The following BSN variants were observed in gnomAD, a reference collection of about 807,000 sequenced individuals.
BSN encodes the protein bassoon presynaptic cytomatrix protein, also known as protein bassoon.
Under a neutral mutation model 264.8 loss-of-function variants are expected in BSN, and 57 were observed. The ratio of observed to expected loss-of-function variants is 0.22; its 90% CI spans 0.17 to 0.27. The LOEUF is 0.27. BSN is among the 10% of genes least tolerant of loss of function. The probability of loss-of-function intolerance (pLI) is 1.00; values close to 1 mark genes in which losing one functional copy is unlikely to be tolerated. For synonymous variants in BSN, 2,059 were observed against 2,137.3 expected (o/e 0.96, Z 1.01); for missense variants, 4,615 against 5,232.5 (o/e 0.88, Z 3.64).
At chr3:49,578,331 C>G (rs1366946108) in intron 1 of BSN, among the ~76,000 whole-genome samples, 3 of 152,048 alleles carry the variant, frequency 2.0e-5, no homozygotes, top group African/African-American at 7.2e-5. Context: ...ATATAATTCA[C>G]TTACCATAGA....
intron 1 of BSN, among the ~76,000 whole-genome samples, chr3:49,559,916 A>G (rs910631219): frequency 3.3e-5 from 5 of 152,226 alleles, no homozygotes; most frequent in African/African-American, 4.8e-5. Flanking sequence ...AGAGGCTGAG[A>G]GTTCACTGAA....
At position 49,655,214 on chromosome 3, in the gene BSN, C is replaced by T. The variant is rs147741618; in HGVS notation, c.5658C>T (p.Ala1886=). 1.2e-6 allele frequency: 2 copies of T among 1,613,000 alleles called. No individual in the cohort carries two copies. Among genetic ancestry groups the T allele is most frequent in the Non-Finnish European group, 1.7e-6 (2 of 1,179,910 alleles). The change falls in exon 5 of 12, where the codon GCC becomes GCT. Residue 1886 remains alanine, a synonymous_variant. Transcript: ENST00000296452. ...TGCTCCCAGAGGAGCCTGCGGGTGC[C>T]CTGGACCTTACCGGGATGAGGCCTG... The part of the protein sequence containing the change: ...TTLLPEEPAG[A]LDLTGMRPES...
chr3:49,610,877 T>C (rs2052201357), intron 1 of BSN, among the ~76,000 whole-genome samples: 1 of 152,204 alleles, frequency 6.6e-6, no homozygotes, highest in Non-Finnish European at 1.5e-5. Flanking sequence ...ATGCATTTAG[T>C]GTCTGCATAG....
At chr3:49,564,161 A>G (rs2051735680) in intron 1 of BSN, among the ~76,000 whole-genome samples, 1 of 152,204 alleles carries the variant, frequency 6.6e-6, no homozygotes, top group Non-Finnish European at 1.5e-5. Context: ...CTTAGAGAAC[A>G]GGGTCCAGGG....
At chr3:49,587,506 C>T (rs1446132044) in intron 1 of BSN, among the ~76,000 whole-genome samples, 2 of 152,114 alleles carry the variant, frequency 1.3e-5, no homozygotes, top group African/African-American at 2.4e-5. Flanking sequence ...TTGGAGAAAA[C>T]GCACAAAACA....
intron 2 of BSN, among the ~76,000 whole-genome samples, chr3:49,639,199 C>CTTTTTTTTTTT (rs71631022): frequency 7.5e-6 from 1 of 133,874 alleles, no homozygotes; most frequent in Non-Finnish European, 1.6e-5. Context: ...CTTTCTTTTT[C>CTTTTTTTTTTT]TTTTTTTTTT....
chr3:49,617,932 C>T (rs575607208), intron 1 of BSN, among the ~76,000 whole-genome samples: 3 of 152,222 alleles, frequency 2.0e-5, no homozygotes, highest in African/African-American at 4.8e-5. Context: ...TGTGACTTCT[C>T]GGCTTTCACA....
chr3:49,574,165 G>A (rs1399080972), intron 1 of BSN, among the ~76,000 whole-genome samples: 11 of 118,352 alleles, frequency 9.3e-5, no homozygotes, highest in African/African-American at 2.5e-4. Flanking sequence ...ATGGGGTTTC[G>A]CCATGTTGCC....
Position 49,662,170 on chromosome 3 carries a change from G to A in BSN, c.10325G>A (p.Arg3442Gln), listed in dbSNP as rs145154385. The change falls in exon 6 of 12, where the codon CGG (arginine) becomes CAG (glutamine). Residue 3442 changes from arginine (R) to glutamine (Q), a missense_variant. Around this residue, in one of 3 missense-constraint regions of BSN, gnomAD observed 3,415 missense variants for 3,866.4 expected, o/e 0.88. Transcript: ENST00000296452. ...EDDRIYGGSS[R>Q]SRAPSAYSGE... is the part of the protein sequence containing the mutation. Reference sequence around the variant, plus strand: ...GACCGCATTTATGGCGGGAGCAGCCGGTCCCGGGCACCTTCTGCATACAGT... The same window carrying A: ...GACCGCATTTATGGCGGGAGCAGCCAGTCCCGGGCACCTTCTGCATACAGT... 28 of 1,612,686 alleles carry A rather than the reference G, an allele frequency of 1.7e-5. No individual in the cohort carries two copies. The highest frequency in any genetic ancestry group is 1.1e-4 in the South Asian group (10 of 91,084).
At chr3:49,599,055 G>A (rs1486345497) in intron 1 of BSN, among the ~76,000 whole-genome samples, 1 of 152,172 alleles carries the variant, frequency 6.6e-6, no homozygotes, top group Non-Finnish European at 1.5e-5. Flanking sequence ...TATGTATAGA[G>A]TCTTCCAGGC....
At chr3:49,617,420 T>C (rs1484980070) in intron 1 of BSN, among the ~76,000 whole-genome samples, 1 of 151,750 alleles carries the variant, frequency 6.6e-6, no homozygotes, top group African/African-American at 2.4e-5. Context: ...GTGTCTCCTT[T>C]ATGGCGGCAC....
In BSN at chr3:49,651,610, A is replaced by G. The variant is rs747436750; in HGVS notation, c.2054A>G (p.Tyr685Cys). ...RSPQSLSDTG[Y>C]SSDGISSSQS... ...CCACAGAGCCTCAGTGACACAGGCT[A>G]TTCCTCTGACGGCATCTCTAGCTCC... The change falls in exon 5 of 12, where the codon TAT (tyrosine) becomes TGT (cysteine). Residue 685 changes from tyrosine to cysteine, a missense_variant. This residue lies in a region of BSN where 1,197 missense variants were observed against 1,348.0 expected (regional missense o/e 0.89). Coordinates refer to ENST00000296452, the MANE Select transcript of BSN (RefSeq NM_003458.4). This position sits in a 1 kb window ranked among gnomAD's most constrained non-coding sequence, Gnocchi z 5.4. The G allele has an allele frequency of 2.5e-6, 4 of 1,613,796 alleles. No individual in the cohort carries two copies. Among genetic ancestry groups the G allele is most frequent in the Admixed American group, 1.7e-5 (1 of 59,992 alleles).
chr3:49,620,284 G>A (rs763364533), intron 1 of BSN, among the ~76,000 whole-genome samples: 12 of 152,058 alleles, frequency 7.9e-5, no homozygotes, highest in Non-Finnish European at 1.6e-4. Context: ...AATCAGCTGG[G>A]CATGGTGGCA....
In BSN at chr3:49,642,725, T is replaced by G; in HGVS notation, c.1091T>G (p.Leu364Arg). Residue 364 changes from leucine to arginine, a missense_variant, in exon 3 of 12, where the codon CTC (leucine) becomes CGC (arginine). Coordinates refer to ENST00000296452, the MANE Select transcript of BSN (RefSeq NM_003458.4). The surrounding 1 kb of genome is among the most constrained non-coding windows in gnomAD (Gnocchi z 7.0). ...GASLLTQAST[L>R]MSVQPEADTQ... The stretch of plus-strand genomic sequence containing the variant: ...TCACTGCTAACCCAGGCGAGCACCC[T>G]CATGTCTGTGCAGCCCGAGGCTGAC... 1 of 1,613,510 alleles carries G rather than the reference T, an allele frequency of 6.2e-7. No homozygotes were observed. Among genetic ancestry groups the G allele is most frequent in the Non-Finnish European group, 8.5e-7 (1 of 1,180,000 alleles).
chr3:49,641,988 T>C (rs2052467726), intron 2 of BSN, among the ~76,000 whole-genome samples: 1 of 146,460 alleles, frequency 6.8e-6, no homozygotes, highest in South Asian at 2.3e-4. Flanking sequence ...CGGGGAGGAC[T>C]CTCAAGCAGG....
chr3:49,580,964 T>G (rs770399262), intron 1 of BSN, among the ~76,000 whole-genome samples: 1 of 150,666 alleles, frequency 6.6e-6, no homozygotes, highest in Non-Finnish European at 1.5e-5. Flanking sequence ...ACCCCTTTCT[T>G]CAGCGCCTGT....
At chr3:49,607,037 C>G (rs1017427294) in intron 1 of BSN, among the ~76,000 whole-genome samples, 5 of 152,142 alleles carry the variant, frequency 3.3e-5, no homozygotes, top group African/African-American at 1.2e-4. Context: ...GCTGTGCAGA[C>G]CCCCATGCAC....
In BSN at chr3:49,661,349, T is replaced by C. The variant is rs138425803; in HGVS notation, c.9504T>C (p.Val3168=). 5.5e-5 allele frequency: 88 copies of C among 1,613,884 alleles called. No homozygotes were observed. The highest frequency in any genetic ancestry group is 6.6e-5 in the Non-Finnish European group (78 of 1,180,042). Residue 3168 remains valine (V), a synonymous_variant, in exon 6 of 12, where the codon GTT becomes GTC. Coordinates refer to ENST00000296452, the MANE Select transcript of BSN (RefSeq NM_003458.4). ...ACTATGAGGTGATCGCCAGCCCCGT[T>C]GTGCCCATGTCTTCAGCCCCATCTG... ...PTNYEVIASP[V]VPMSSAPSET...
In BSN at chr3:49,653,530, C is replaced by G. The variant is rs574877656; in HGVS notation, c.3974C>G (p.Thr1325Ser). The G allele has an allele frequency of 4.8e-5, 78 of 1,613,798 alleles. 1 individual carries two copies. In the Middle Eastern group the frequency reaches 6.6e-4, roughly 14 times the overall value. The change falls in exon 5 of 12, where the codon ACC (threonine) becomes AGC (serine). Residue 1325 changes from threonine to serine, a missense_variant. Coordinates refer to ENST00000296452, the MANE Select transcript of BSN (RefSeq NM_003458.4). This position sits in a 1 kb window ranked among gnomAD's most constrained non-coding sequence, Gnocchi z 6.3. ...TQLAAPVSFS[T>S]PTSSDSSGGR... ...CTCGCTGCCCCTGTGTCCTTCTCTA[C>G]CCCCACCTCCTCAGACAGCAGCGGG... is the stretch of plus-strand genomic sequence containing the variant.
Sources: gnomAD v4.1 joint callset for allele counts (sites outside exome capture counted in the v4.1 genomes callset) on GRCh38, gnomAD v4.1.1 for gene constraint, gnomAD v4.1.1 regional missense constraint, Gnocchi (gnomAD v3.1) non-coding constraint, MANE v1.5 for transcripts, NCBI Gene and HGNC (gene_info 2026-07-23, HGNC 2026-07-21) for gene names.